Variants in NCAM2 observed in about 807,000 individuals in gnomAD.
The protein encoded by NCAM2 is N-CAM-2.
NCAM2 carries 30 observed loss-of-function variants against 98.1 expected under a neutral mutation model. That is an observed-to-expected ratio of 0.31 (90% CI 0.23 to 0.41). NCAM2 has a LOEUF of 0.41. Among genes scored for constraint, NCAM2 ranks in the 10% least tolerant of loss-of-function variants. The pLI is 1.00. For missense variants in NCAM2, 867 were observed against 1,005.8 expected, an observed-to-expected ratio of 0.86 and a Z score of 1.87; for synonymous variants, 368 against 342.4, an observed-to-expected ratio of 1.07 and a Z score of -0.83.
chr21:21,516,381 T>A (rs954902938), intron 16 of NCAM2, among the ~76,000 whole-genome samples: 1 of 150,768 alleles, frequency 6.6e-6, no homozygotes, highest in Non-Finnish European at 1.5e-5. Context: ...ATTATAAAAG[T>A]TTTTTTTTCA....
chr21:21,335,530 G>A lies in NCAM2; in HGVS notation c.763G>A (p.Glu255Lys), dbSNP rs554440628. 18 of 1,600,532 alleles carry A rather than the reference G, an allele frequency of 1.1e-5. No homozygotes were observed. The highest frequency in any genetic ancestry group is 6.9e-5 in the Admixed American group (4 of 58,034). The change falls in exon 7 of 18, where the codon GAG (glutamate) becomes AAG (lysine). Residue 255 changes from glutamate (E) to lysine (K), a missense_variant. Physicochemically the swap from Glu to Lys is moderately conservative, Grantham distance 56. Coordinates refer to ENST00000400546, the MANE Select transcript of NCAM2 (RefSeq NM_004540.5). ...FRNGKLIEENEKYILKGSNTE... is the reference protein window; with the variant it reads ...FRNGKLIEENKKYILKGSNTE... ...GAATGGCAAGCTCATTGAAGAAAAT[G>A]AGAAGTACATATTGAAAGGGAGCAA...
Position 21,286,289 on chromosome 21 carries a change from G to T in NCAM2, c.358G>T (p.Val120Leu). The change falls in exon 4 of 18, where the codon GTG (valine) becomes TTG (leucine). Residue 120 changes from valine (V) to leucine (L), a missense_variant. This residue lies in a region of NCAM2 where 447 missense variants were observed against 495.7 expected (regional missense o/e 0.90). Coordinates refer to ENST00000400546, the MANE Select transcript of NCAM2 (RefSeq NM_004540.5). ...EIYQKLTFRE[V>L]VSPQEFKQGE... Reference sequence around the variant, plus strand: ...TACAGAAAAACTCACTTTCAGAGAAGTGGTATCTCCACAAGAATTCAAACA... The same window carrying T: ...TACAGAAAAACTCACTTTCAGAGAATTGGTATCTCCACAAGAATTCAAACA... 1 of 1,608,180 alleles carries T rather than the reference G, an allele frequency of 6.2e-7. No individual in the cohort carries two copies. The highest frequency in any genetic ancestry group is 8.5e-7 in the Non-Finnish European group (1 of 1,176,728).
Position 21,541,632 on chromosome 21 carries a change from TAAATC to T in NCAM2, c.*3678_*3682del, listed in dbSNP as rs150854655. ...TATATATATTTTTTATTTCGAATAATAAATCAACCTTTATTTTTGGCAATAAGATT... is the reference window on the plus strand; with the variant it reads ...TATATATATTTTTTATTTCGAATAATAACCTTTATTTTTGGCAATAAGATT... On this transcript the variant is annotated 3_prime_UTR_variant, in exon 18 of 18. Transcript: ENST00000400546. 4.7e-3 allele frequency: 720 copies of T among 151,908 alleles called. 4 individuals carry two copies. The highest frequency in any genetic ancestry group is 0.017 in the African/African-American group (691 of 41,558). 9.4% of individuals were successfully genotyped at this position (151,908 alleles called of 1,614,324 possible).
chr21:21,015,293 G>A (rs2064285277), intron 1 of NCAM2, among the ~76,000 whole-genome samples: 2 of 152,152 alleles, frequency 1.3e-5, no homozygotes, highest in Non-Finnish European at 2.9e-5. Flanking sequence ...CTACAGAGAA[G>A]TACGTTAGGA....
chr21:21,341,528 C>T (rs968402175), intron 8 of NCAM2, among the ~76,000 whole-genome samples: 1 of 152,014 alleles, frequency 6.6e-6, no homozygotes, highest in Non-Finnish European at 1.5e-5. Context: ...CTAAAATTTC[C>T]ATTATGCATG....
Position 21,312,252 on chromosome 21 carries a change from C to A in NCAM2, c.620-12131C>A, listed in dbSNP as rs148294573. ...TTGTTTTTTTGTTTTAGCATCAACT[C>A]ATGTTATTACATGATTTTTTCTTTA... On this transcript the variant is annotated intron_variant, in intron 5 of 17. Transcript: ENST00000400546. Among the ~76,000 whole-genome samples, 64 of 151,716 alleles carry A rather than the reference C, an allele frequency of 4.2e-4. 1 individual carries two copies. In the East Asian group the frequency reaches 0.012, roughly 28 times the overall value.
At chr21:21,535,041 T>C (rs1989910240) in intron 17 of NCAM2, among the ~76,000 whole-genome samples, 1 of 152,114 alleles carries the variant, frequency 6.6e-6, no homozygotes, top group South Asian at 2.1e-4. Context: ...TCGCTTTGAA[T>C]ATAAATGTCA....
intron 1 of NCAM2, among the ~76,000 whole-genome samples, chr21:21,157,273 A>G (rs2146751969): frequency 6.6e-6 from 1 of 152,254 alleles, no homozygotes; most frequent in South Asian, 2.1e-4. Context: ...AAACTTCCAC[A>G]TTTGGTATAA....
intron 1 of NCAM2, among the ~76,000 whole-genome samples, chr21:21,126,872 TA>T (rs1235850692): frequency 9.2e-5 from 14 of 151,984 alleles, no homozygotes; most frequent in East Asian, 5.8e-4. Context: ...TTTTGTAAGT[TA>T]AAAAACGTTG....
intron 1 of NCAM2, among the ~76,000 whole-genome samples, chr21:21,126,769 C>T (rs544633648): frequency 6.6e-6 from 1 of 151,942 alleles, no homozygotes; most frequent in East Asian, 1.9e-4. Flanking sequence ...GTTTGATTAG[C>T]TGTAATGTTG....
intron 10 of NCAM2, among the ~76,000 whole-genome samples, chr21:21,414,533 C>T (rs1240456248): frequency 2.0e-5 from 3 of 148,992 alleles, no homozygotes; most frequent in Non-Finnish European, 4.4e-5. Flanking sequence ...TGCAATGGCA[C>T]GATCTCCACT....
intron 1 of NCAM2, among the ~76,000 whole-genome samples, chr21:21,011,032 A>G (rs1252236928): frequency 6.6e-6 from 1 of 152,090 alleles, no homozygotes; most frequent in Non-Finnish European, 1.5e-5. Flanking sequence ...GGGGAGAAAA[A>G]GATACCCAGA....
chr21:21,084,194 T>C (rs564483618), intron 1 of NCAM2, among the ~76,000 whole-genome samples: 65 of 152,252 alleles, frequency 4.3e-4, no homozygotes, highest in Non-Finnish European at 7.6e-4. Flanking sequence ...CTCATCTCAT[T>C]CATGAGGGTT....
intron 1 of NCAM2, among the ~76,000 whole-genome samples, chr21:21,161,452 C>A (rs1337439280): frequency 6.6e-6 from 1 of 151,376 alleles, no homozygotes; most frequent in Non-Finnish European, 1.5e-5. Flanking sequence ...ATATTCACAC[C>A]TAGATTGCCA....
chr21:21,336,257 C>T (rs2074864568), intron 7 of NCAM2, among the ~76,000 whole-genome samples: 1 of 151,916 alleles, frequency 6.6e-6, no homozygotes, highest in South Asian at 2.1e-4. Context: ...AGAATTTTTC[C>T]CTTTAATTAG....
intron 8 of NCAM2, among the ~76,000 whole-genome samples, chr21:21,355,192 G>A (rs1209665064): frequency 6.6e-6 from 1 of 152,014 alleles, no homozygotes; most frequent in African/African-American, 2.4e-5. Context: ...CCAGCACTTT[G>A]GGAGGCTTAG....
At position 21,231,576 on chromosome 21, in the gene NCAM2, A is replaced by T. The variant is rs556583363; in HGVS notation, c.56-49002A>T. ...CAAGGACAGTTTTAGTAGTTTAATA[A>T]TTGTTAGAAATTTTTAAGGGGCAAA... On this transcript the variant is annotated intron_variant, in intron 1 of 17. Coordinates refer to ENST00000400546, the MANE Select transcript of NCAM2 (RefSeq NM_004540.5). Among the ~76,000 whole-genome samples the T allele has an allele frequency of 5.3e-5, 8 of 151,540 alleles. No homozygotes were observed. In the South Asian group the frequency reaches 1.7e-3, roughly 31 times the overall value.
chr21:21,450,044 T>A (rs1238923195), intron 12 of NCAM2, among the ~76,000 whole-genome samples: 1 of 152,096 alleles, frequency 6.6e-6, no homozygotes, highest in East Asian at 1.9e-4. Flanking sequence ...GATTTGCCTT[T>A]TTACAAAATC....
chr21:21,314,246 A>G (rs992448246), intron 5 of NCAM2, among the ~76,000 whole-genome samples: 2 of 152,052 alleles, frequency 1.3e-5, no homozygotes, highest in African/African-American at 4.8e-5. Flanking sequence ...CTTTACCTTC[A>G]TGTCTGAAGG....
Sources: allele counts gnomAD v4.1 joint callset (sites outside exome capture counted in the v4.1 genomes callset), GRCh38; gene constraint gnomAD v4.1.1; regional missense constraint gnomAD v4.1.1; transcripts MANE v1.5; gene names NCBI Gene and HGNC (gene_info 2026-07-23, HGNC 2026-07-21).